The following ITSN1 variants were observed in gnomAD, a reference collection of about 807,000 sequenced individuals.
The protein encoded by ITSN1 is intersectin 1, also known as intersectin-1.
In ITSN1, 58 loss-of-function variants were observed where a neutral mutation model predicts 239.8. That is an observed-to-expected ratio of 0.24 (90% confidence interval 0.20 to 0.30). The LOEUF is 0.30. Ranked by LOEUF, ITSN1 falls within the 10% of genes least tolerant of loss-of-function variation. The pLI is 1.00. For missense variants in ITSN1, 1,558 were observed against 2,103.3 expected, an observed-to-expected ratio of 0.74 and a Z score of 5.07; for synonymous variants, 780 against 770.8, an observed-to-expected ratio of 1.01 and a Z score of -0.20.
chr21:33,697,234 A>ATTTTT (rs11419453), intron 1 of ITSN1, among the ~76,000 whole-genome samples: 6 of 121,678 alleles, frequency 4.9e-5, no homozygotes, highest in Non-Finnish European at 8.2e-5. Flanking sequence ...CACCTGGCTA[A>ATTTTT]TTTTTTTTTT....
chr21:33,757,623 C>T (rs140179169), intron 8 of ITSN1, among the ~76,000 whole-genome samples: 1 of 151,942 alleles, frequency 6.6e-6, no homozygotes, highest in East Asian at 1.9e-4. Context: ...ATGGAAACAG[C>T]TGATTTGTTG....
intron 34 of ITSN1, among the ~76,000 whole-genome samples, chr21:33,878,765 G>A (rs759518001): frequency 2.0e-5 from 3 of 152,278 alleles, no homozygotes; most frequent in South Asian, 2.1e-4. Flanking sequence ...TCATTTATTC[G>A]CTCATCATCA....
chr21:33,746,542 T>C (rs2067195383), intron 5 of ITSN1, among the ~76,000 whole-genome samples: 1 of 152,126 alleles, frequency 6.6e-6, no homozygotes, highest in Non-Finnish European at 1.5e-5. Flanking sequence ...ACAATTGATG[T>C]GAAAAGTTCA....
intron 4 of ITSN1, among the ~76,000 whole-genome samples, chr21:33,732,189 C>T (rs576742652): frequency 9.2e-5 from 14 of 152,226 alleles, no homozygotes; most frequent in South Asian, 2.1e-4. Context: ...TGAAGCCTCC[C>T]GGTAGTAGAC....
chr21:33,659,868 C>T (rs891929412), intron 1 of ITSN1, among the ~76,000 whole-genome samples: 7 of 151,584 alleles, frequency 4.6e-5, no homozygotes, highest in Non-Finnish European at 1.5e-5. Context: ...CACAGTTGTA[C>T]ACCACCACAC....
At chr21:33,869,965 A>G (rs975905166) in intron 33 of ITSN1, among the ~76,000 whole-genome samples, 12 of 152,056 alleles carry the variant, frequency 7.9e-5, no homozygotes, top group African/African-American at 2.9e-4. Flanking sequence ...TTCTAATCCA[A>G]TACTGCAGAA....
chr21:33,835,518 T>C (rs1346554514), intron 28 of ITSN1, among the ~76,000 whole-genome samples: 1 of 152,180 alleles, frequency 6.6e-6, no homozygotes, highest in African/African-American at 2.4e-5. Context: ...ATGAGAACAA[T>C]TTTACCTCCT....
Position 33,823,619 on chromosome 21 carries a change from TCCC to T in ITSN1, c.3150_3152del (p.Pro1051del). 1 of 1,614,132 alleles carries T rather than the reference TCCC, an allele frequency of 6.2e-7. No homozygotes were observed. The highest frequency in any genetic ancestry group is 8.5e-7 in the Non-Finnish European group (1 of 1,180,000). On this transcript the variant is annotated inframe_deletion, in exon 25 of 40. Transcript: ENST00000381318. ...ACAGTGGGCGACAAGGCCGGAGTCT[TCCC>T]TTCTAACTATGTGAGGCTTAAAGAT...
intron 1 of ITSN1, among the ~76,000 whole-genome samples, chr21:33,710,864 G>A (rs567556539): frequency 4.0e-5 from 6 of 149,128 alleles, no homozygotes; most frequent in Non-Finnish European, 8.9e-5. Flanking sequence ...GGAGTGCAGT[G>A]CTGCGATCTC....
intron 33 of ITSN1, among the ~76,000 whole-genome samples, chr21:33,870,471 G>A (rs1188179027): frequency 6.6e-6 from 1 of 152,190 alleles, no homozygotes; most frequent in Non-Finnish European, 1.5e-5. Context: ...GAACTAAGAA[G>A]AGAATTGAAA....
chr21:33,711,652 TTGTGTGTGTGTG>T (rs58696981), intron 1 of ITSN1, among the ~76,000 whole-genome samples: 94 of 134,888 alleles, frequency 7.0e-4, no homozygotes, highest in Non-Finnish European at 1.2e-3. Flanking sequence ...TTTCTGTGTG[TTGTGTGTGTGTG>T]TGTGTGTGTG....
At chr21:33,712,184 T>A (rs2092436281) in intron 1 of ITSN1, among the ~76,000 whole-genome samples, 1 of 152,100 alleles carries the variant, frequency 6.6e-6, no homozygotes, top group Non-Finnish European at 1.5e-5. Flanking sequence ...ATCTGTTGAT[T>A]GCAATTTTTT....
chr21:33,663,052 A>G (rs376095351), intron 1 of ITSN1, among the ~76,000 whole-genome samples: 29 of 152,360 alleles, frequency 1.9e-4, no homozygotes, highest in Middle Eastern at 3.4e-3. Context: ...AGCTTTCATC[A>G]GTATAGACAC....
chr21:33,813,999 G>T lies in ITSN1; in HGVS notation c.2654G>T (p.Gly885Val), dbSNP rs140905223. 4.3e-6 allele frequency: 7 copies of T among 1,613,996 alleles called. No homozygotes were observed. In the African/African-American group the frequency reaches 9.3e-5, roughly 22 times the overall value. Residue 885 changes from glycine to valine, a missense_variant, in exon 22 of 40, where the codon GGC (glycine) becomes GTC (valine). Transcript: ENST00000381318. ...AQPSLTVPSAGQLRQRSAFTP... is the reference protein window; with the variant it reads ...AQPSLTVPSAVQLRQRSAFTP... ...CCCTCTCTCACCGTTCCAAGTGCCG[G>T]CCAGTTAAGGCAGAGGTCCGCCTTT...
chr21:33,843,188 G>T (rs535277302), intron 29 of ITSN1, among the ~76,000 whole-genome samples: 1 of 152,182 alleles, frequency 6.6e-6, no homozygotes, highest in Non-Finnish European at 1.5e-5. Flanking sequence ...ACAAGTCCTC[G>T]TTCTAGGCGT....
At chr21:33,829,773 T>G (rs2148356983) in intron 27 of ITSN1, 28 bp downstream of exon 27, 1 of 1,612,718 alleles carries the variant, frequency 6.2e-7, no homozygotes, top group African/African-American at 1.3e-5. Flanking sequence ...TTATTTACAA[T>G]TCTCCATCCA....
intron 29 of ITSN1, 29 bp from the exon 30 acceptor site, chr21:33,856,707 A>T: frequency 6.2e-7 from 1 of 1,612,960 alleles, no homozygotes; most frequent in South Asian, 1.1e-5. Flanking sequence ...AGACTGTGCT[A>T]AGTTCTCCCA....
chr21:33,797,503 G>A lies in ITSN1; in HGVS notation c.2077G>A (p.Gly693Ser). ...KREESVKKKDGEEKGKQEAQD... is the reference protein window; with the variant it reads ...KREESVKKKDSEEKGKQEAQD... Reference sequence around the variant, plus strand: ...GGAGGAGAGTGTCAAAAAGAAGGATGGCGAGGAAAAAGGCAAACAGGAAGC... The same window carrying A: ...GGAGGAGAGTGTCAAAAAGAAGGATAGCGAGGAAAAAGGCAAACAGGAAGC... Residue 693 changes from glycine to serine, a missense_variant, in exon 18 of 40, where the codon GGC becomes AGC. By Grantham distance (56) the Gly-to-Ser change is moderately conservative. Transcript: ENST00000381318. The surrounding 1 kb of genome is among the most constrained non-coding windows in gnomAD (Gnocchi z 4.9). The A allele has an allele frequency of 6.2e-7, 1 of 1,614,110 alleles. No homozygotes were observed. Among genetic ancestry groups the A allele is most frequent in the Non-Finnish European group, 8.5e-7 (1 of 1,180,010 alleles).
intron 20 of ITSN1, among the ~76,000 whole-genome samples, chr21:33,804,683 A>G (rs1273407679): frequency 6.6e-6 from 1 of 152,182 alleles, no homozygotes; most frequent in Non-Finnish European, 1.5e-5. Context: ...TGTTAGTAGA[A>G]CATAAGAAAT....
Sources: allele counts gnomAD v4.1 joint callset (sites outside exome capture counted in the v4.1 genomes callset), GRCh38; gene constraint gnomAD v4.1.1; non-coding constraint Gnocchi (gnomAD v3.1); transcripts MANE v1.5; gene names NCBI Gene and HGNC (gene_info 2026-07-23, HGNC 2026-07-21).